Variants in ALOXE3 observed in about 807,000 individuals in gnomAD.
ALOXE3 encodes the protein arachidonate epidermal lipoxygenase 3.
Under a neutral mutation model 87.5 loss-of-function variants are expected in ALOXE3, and 78 were observed. The ratio of observed to expected loss-of-function variants is 0.89; its 90% CI spans 0.74 to 1.08. The LOEUF (loss-of-function observed/expected upper bound fraction) is 1.08. ALOXE3 is among the 50% of genes least tolerant of loss of function. The probability of loss-of-function intolerance (pLI) is 0.00; values close to 1 mark genes in which losing one functional copy is unlikely to be tolerated. For synonymous variants in ALOXE3, 363 were observed against 370.8 expected (o/e 0.98, Z 0.24); for missense variants, 946 against 912.4 (o/e 1.04, Z -0.47).
At chr17:8,103,617 G>A (rs1024108653) in intron 14 of ALOXE3, 124 bp from the exon 15 acceptor site, 1 of 1,083,060 alleles carries the variant, frequency 9.2e-7, no homozygotes, top group African/African-American at 1.6e-5. Flanking sequence ...GGGGATCACG[G>A]AAAGGCAAGA....
At position 8,109,356 on chromosome 17, in the gene ALOXE3, C is replaced by T. The variant is rs1322587318; in HGVS notation, c.1393-13G>A. 2 of 1,612,828 alleles carry T rather than the reference C, an allele frequency of 1.2e-6. No homozygotes were observed. The highest frequency in any genetic ancestry group is 1.7e-6 in the Non-Finnish European group (2 of 1,179,966). On this transcript the variant is annotated splice_polypyrimidine_tract_variant and intron_variant, in intron 11 of 15. Coordinates refer to ENST00000448843, the MANE Select transcript of ALOXE3 (RefSeq NM_021628.3). ...CGATGGACGTGACCTGAGGACACAG[C>T]ACAGCTCGGCTCCCGGGCCGGCCCA...
At chr17:8,118,658 C>T (rs1980829532), upstream of ALOXE3, 1 of 1,537,320 alleles carries the variant, frequency 6.5e-7, no homozygotes, top group East Asian at 2.4e-5. Context: ...TCCCCCCACG[C>T]ATGGCCCTCT....
At chr17:8,116,052 A>G (rs1412540312) in intron 3 of ALOXE3, among the ~76,000 whole-genome samples, 1 of 152,258 alleles carries the variant, frequency 6.6e-6, no homozygotes, top group East Asian at 1.9e-4. Flanking sequence ...TGATGAACAA[A>G]TATATTTTGT....
At chr17:8,118,850 A>G, upstream of ALOXE3, 5 of 1,533,748 alleles carry the variant, frequency 3.3e-6, no homozygotes, top group Non-Finnish European at 4.4e-6. Context: ...GATCTGGGCC[A>G]CTAGGGACTG....
chr17:8,104,037 C>A (rs575386149), intron 14 of ALOXE3, 78 bp downstream of exon 14: 44 of 1,325,370 alleles, frequency 3.3e-5, no homozygotes, highest in Non-Finnish European at 4.7e-5. Flanking sequence ...CTGACCCACC[C>A]AAGCTCTCAA....
At chr17:8,111,216 A>C in intron 8 of ALOXE3, 143 bp downstream of exon 8, 1 of 1,046,690 alleles carries the variant, frequency 9.6e-7, no homozygotes, top group Non-Finnish European at 1.4e-6. Context: ...TAAAGTGTGC[A>C]GGACCATGGC....
At chr17:8,117,688 A>G (rs1483504691) in intron 2 of ALOXE3, among the ~76,000 whole-genome samples, 156 bp downstream of exon 2, 3 of 152,162 alleles carry the variant, frequency 2.0e-5, no homozygotes, top group African/African-American at 7.2e-5. Context: ...GGAGTTCATC[A>G]TCTCCAGGAA....
chr17:8,118,546 T>C, upstream of ALOXE3: 1 of 1,528,298 alleles, frequency 6.5e-7, no homozygotes, highest in Non-Finnish European at 8.8e-7. Context: ...TTGCACTTGG[T>C]CATAAATCAC....
chr17:8,111,856 G>A lies in ALOXE3; in HGVS notation c.784+237C>T, dbSNP rs62065149. Among the ~76,000 whole-genome samples, 388 of 151,840 alleles carry A rather than the reference G, an allele frequency of 2.6e-3. 2 individuals carry two copies. The highest frequency in any genetic ancestry group is 3.8e-3 in the Non-Finnish European group (255 of 67,912). On this transcript the variant is annotated intron_variant, in intron 7 of 15. Coordinates refer to ENST00000448843, the MANE Select transcript of ALOXE3 (RefSeq NM_021628.3). ...CCTAAATGACTGTGACCCTCTCCCAGGCAAGCAGAGTGTCTCTCTCTCCTG... is the reference window on the plus strand; with the variant it reads ...CCTAAATGACTGTGACCCTCTCCCAAGCAAGCAGAGTGTCTCTCTCTCCTG...
chr17:8,110,146 C>T lies in ALOXE3; in HGVS notation c.1251G>A (p.Glu417=). 1.2e-6 allele frequency: 2 copies of T among 1,614,010 alleles called. No homozygotes were observed. Among genetic ancestry groups the T allele is most frequent in the Non-Finnish European group, 8.5e-7 (1 of 1,179,910 alleles). ...GGCGCAGCGTGGCCATGGCGAAGGC[C>T]TCGCACAGCAAATGCGTGCACAGAA... ...THFLCTHLLC[E]AFAMATLRQL... is the part of the protein sequence containing the mutation. The change falls in exon 10 of 16, where the codon GAG becomes GAA. Residue 417 remains glutamate, a synonymous_variant. Transcript: ENST00000448843.
Position 8,115,657 on chromosome 17 carries a change from G to C in ALOXE3, c.384C>G (p.Leu128=). Residue 128 remains leucine, a synonymous_variant, in exon 4 of 16, where the codon CTC becomes CTG. Coordinates refer to ENST00000448843, the MANE Select transcript of ALOXE3 (RefSeq NM_021628.3). ...ARTICQDSLP[L]LLDHRTRELR... ...GCTCCCGTGTCCTGTGATCCAGGAG[G>C]AGGGGAAGAGAGTCCTGACAAATAG... is the stretch of plus-strand genomic sequence containing the variant. The C allele has an allele frequency of 6.2e-7, 1 of 1,613,922 alleles. No homozygotes were observed.
chr17:8,111,564 G>A (rs1980093145), intron 7 of ALOXE3, 33 bp from the exon 8 acceptor site: 4 of 1,611,870 alleles, frequency 2.5e-6, no homozygotes, highest in African/African-American at 1.3e-5. Flanking sequence ...AGTTGGTCTA[G>A]AAACTACTTC....
At chr17:8,118,324 T>G (rs772874956) in intron 1 of ALOXE3, 21 bp from the exon 2 acceptor site, 7 of 1,551,748 alleles carry the variant, frequency 4.5e-6, no homozygotes, top group Non-Finnish European at 6.1e-6. Context: ...AGGGATCAGA[T>G]GCTGAGATGG....
At chr17:8,100,148 G>A (rs1978834209) in intron 15 of ALOXE3, among the ~76,000 whole-genome samples, 1 of 145,214 alleles carries the variant, frequency 6.9e-6, no homozygotes, top group African/African-American at 2.5e-5. Flanking sequence ...AGGGGGGAGG[G>A]AGGGACGGAA....
intron 15 of ALOXE3, 91 bp downstream of exon 15, chr17:8,103,232 C>T (rs1979032796): frequency 2.1e-6 from 3 of 1,455,414 alleles, no homozygotes; most frequent in Non-Finnish European, 2.9e-6. Flanking sequence ...TAAATCCCGT[C>T]GATCAGTCCT....
chr17:8,106,888 A>C (rs1979355745), intron 13 of ALOXE3, among the ~76,000 whole-genome samples: 1 of 148,066 alleles, frequency 6.8e-6, no homozygotes, highest in South Asian at 2.1e-4. Flanking sequence ...AAATGTAATA[A>C]AGTAAGATAG....
chr17:8,106,169 A>G (rs755738836), intron 13 of ALOXE3, among the ~76,000 whole-genome samples: 1 of 152,088 alleles, frequency 6.6e-6, no homozygotes, highest in Non-Finnish European at 1.5e-5. Flanking sequence ...GAAGACTACA[A>G]CTAGGGTGGT....
chr17:8,115,293 C>T (rs890196979), intron 4 of ALOXE3, among the ~76,000 whole-genome samples: 10 of 152,060 alleles, frequency 6.6e-5, no homozygotes, highest in African/African-American at 1.5e-4. Flanking sequence ...AAATCATGGC[C>T]GGTTTAGTGG....
intron 13 of ALOXE3, among the ~76,000 whole-genome samples, chr17:8,105,642 G>A (rs1008828210): frequency 2.6e-5 from 4 of 152,158 alleles, no homozygotes; most frequent in Non-Finnish European, 5.9e-5. Context: ...ATGCATGAGA[G>A]GGTAAGAAGC....
Sources: allele counts gnomAD v4.1 joint callset (sites outside exome capture counted in the v4.1 genomes callset), GRCh38; gene constraint gnomAD v4.1.1; transcripts MANE v1.5; gene names NCBI Gene and HGNC (gene_info 2026-07-23, HGNC 2026-07-21).